The following CUX2 variants were observed in gnomAD, a reference collection of about 807,000 sequenced individuals.
CUX2 encodes homeobox protein cut-like 2.
In CUX2, 40 loss-of-function variants were observed where a neutral mutation model predicts 144.8. The ratio of observed to expected loss-of-function variants is 0.28; its 90% CI spans 0.21 to 0.36. The LOEUF (loss-of-function observed/expected upper bound fraction) is 0.36, where lower values mean the gene tolerates loss of function less well. CUX2 is among the 10% of genes least tolerant of loss of function. CUX2 has a pLI of 1.00. For missense variants in CUX2, 1,615 were observed against 1,994.0 expected, an observed-to-expected ratio of 0.81 and a Z score of 3.62; for synonymous variants, 827 against 875.6, an observed-to-expected ratio of 0.94 and a Z score of 0.98.
chr12:111,132,291 G>T (rs994388367), intron 1 of CUX2, among the ~76,000 whole-genome samples: 3 of 152,118 alleles, frequency 2.0e-5, no homozygotes, highest in Admixed American at 6.6e-5. Flanking sequence ...AAGTCCTTAG[G>T]CTGCACACAG....
intron 1 of CUX2, among the ~76,000 whole-genome samples, chr12:111,051,636 T>C (rs1870271500): frequency 6.6e-6 from 1 of 152,196 alleles, no homozygotes; most frequent in Admixed American, 6.5e-5. Context: ...ATCTAAAGCG[T>C]GTCTCCTATA....
chr12:111,322,558 C>T lies in CUX2; in HGVS notation c.2904C>T (p.Gly968=), dbSNP rs1463305719. The change falls in exon 18 of 22, where the codon GGC becomes GGT. Residue 968 remains glycine (G), a synonymous_variant. Transcript: ENST00000261726. The surrounding 1 kb of genome is among the most constrained non-coding windows in gnomAD (Gnocchi z 4.2). ...CTGACCAGCTCGGCCAGGCAGTGGG[C>T]CAGCAGCCTGGTGCCTCCCAGGGTG... ...WLSDQLGQAV[G]QQPGASQASP... is the part of the protein sequence containing the mutation. 3 of 1,609,480 alleles carry T rather than the reference C, an allele frequency of 1.9e-6. No individual in the cohort carries two copies.
intron 1 of CUX2, among the ~76,000 whole-genome samples, chr12:111,038,078 A>C (rs1412803301): frequency 6.6e-6 from 1 of 152,220 alleles, no homozygotes; most frequent in Non-Finnish European, 1.5e-5. Context: ...TTCCGGGAAC[A>C]CTCAATCTCC....
chr12:111,176,498 G>A (rs1878864476), intron 1 of CUX2, among the ~76,000 whole-genome samples: 1 of 152,154 alleles, frequency 6.6e-6, no homozygotes, highest in South Asian at 2.1e-4. Context: ...TAACCACAGT[G>A]CCCATGTCAT....
At chr12:111,158,726 A>AAT (rs1219348689) in intron 1 of CUX2, among the ~76,000 whole-genome samples, 1 of 152,182 alleles carries the variant, frequency 6.6e-6, no homozygotes, top group African/African-American at 2.4e-5. Flanking sequence ...TATTATATTG[A>AAT]ATAGGGCTAT....
chr12:111,328,133 G>A (rs909388008), intron 18 of CUX2, among the ~76,000 whole-genome samples: 3 of 152,098 alleles, frequency 2.0e-5, no homozygotes, highest in Admixed American at 1.3e-4. Context: ...GGGAGAGAGT[G>A]GTGATGGCAG....
intron 1 of CUX2, among the ~76,000 whole-genome samples, chr12:111,181,281 A>G (rs887514500): frequency 1.3e-5 from 2 of 152,222 alleles, no homozygotes; most frequent in Non-Finnish European, 1.5e-5. Flanking sequence ...TCCGCTGGGC[A>G]GGAGGCCCCT....
At chr12:111,236,569 A>G (rs918802325) in intron 3 of CUX2, among the ~76,000 whole-genome samples, 1 of 152,126 alleles carries the variant, frequency 6.6e-6, no homozygotes, top group African/African-American at 2.4e-5. Context: ...CCAGCTCTGA[A>G]CCCCGTGCCC....
intron 1 of CUX2, among the ~76,000 whole-genome samples, chr12:111,093,940 G>T (rs943863680): frequency 1.3e-5 from 2 of 152,202 alleles, no homozygotes; most frequent in Non-Finnish European, 2.9e-5. Context: ...ACTGTGATCC[G>T]CAGGAGCCAA....
Position 111,061,587 on chromosome 12 carries a change from C to A in CUX2, c.63+27347C>A, listed in dbSNP as rs902831713. Among the ~76,000 whole-genome samples the A allele has an allele frequency of 8.5e-5, 13 of 152,132 alleles. No individual in the cohort carries two copies. The highest frequency in any genetic ancestry group is 8.5e-4 in the Admixed American group (13 of 15,286). ...TGTCTACACCCTCGTCCTGCTTTGC[C>A]CGCCTAAGTACATCCAACTCTACAT... is the stretch of plus-strand genomic sequence containing the variant. On this transcript the variant is annotated intron_variant, in intron 1 of 21. Coordinates refer to ENST00000261726, the MANE Select transcript of CUX2 (RefSeq NM_015267.4). This position sits in a 1 kb window ranked among gnomAD's most constrained non-coding sequence, Gnocchi z 4.2.
intron 3 of CUX2, among the ~76,000 whole-genome samples, chr12:111,238,585 G>A (rs1882874509): frequency 1.3e-5 from 2 of 152,200 alleles, no homozygotes; most frequent in South Asian, 4.1e-4. Flanking sequence ...TTTGAACCCA[G>A]GCAGTCTGGC....
At chr12:111,306,861 C>T (rs931918135) in intron 10 of CUX2, 60 bp from the exon 11 acceptor site, 2 of 1,429,798 alleles carry the variant, frequency 1.4e-6, no homozygotes, top group African/African-American at 2.8e-5. Context: ...GGTGGGGAGG[C>T]CAGACCTGTG....
At chr12:111,249,427 T>A (rs1490797909) in intron 3 of CUX2, among the ~76,000 whole-genome samples, 2 of 143,802 alleles carry the variant, frequency 1.4e-5, no homozygotes, top group African/African-American at 2.6e-5. Flanking sequence ...TTTTTTTAAA[T>A]TAATAGACCC....
intron 3 of CUX2, among the ~76,000 whole-genome samples, chr12:111,226,695 A>T (rs1207648977): frequency 6.6e-6 from 1 of 151,986 alleles, no homozygotes; most frequent in African/African-American, 2.4e-5. Context: ...TATATTATTG[A>T]TCTTTTTGAC....
rs766866652 is a variant in CUX2, at chr12:111,263,625, A to AAAAACAAAAC, written c.223-111_223-102dup. 7 of 765,630 alleles carry AAAAACAAAAC rather than the reference A, an allele frequency of 9.1e-6. No individual in the cohort carries two copies. In the African/African-American group the frequency reaches 1.3e-4, roughly 14 times the overall value. 47.4% of individuals were successfully genotyped at this position (765,630 alleles called of 1,614,324 possible). A position where few individuals can be genotyped will look rare whatever the true frequency, so the allele number is the denominator to read the frequency against. On this transcript the variant is annotated intron_variant, in intron 3 of 21. Transcript: ENST00000261726. The surrounding 1 kb of genome is among the most constrained non-coding windows in gnomAD (Gnocchi z 4.0). ...GGGCGACAGAGCAAGACTCTCTCTC[A>AAAAACAAAAC]AAAACAAAACAAAACAAAACAAAAC... is the stretch of plus-strand genomic sequence containing the variant.
intron 4 of CUX2, among the ~76,000 whole-genome samples, chr12:111,280,564 T>A (rs1433409883): frequency 6.6e-6 from 1 of 152,198 alleles, no homozygotes; most frequent in African/African-American, 2.4e-5. Flanking sequence ...CAACAAATGT[T>A]TTCTTTCAGC....
At chr12:111,169,449 A>C (rs888039381) in intron 1 of CUX2, among the ~76,000 whole-genome samples, 12 of 152,038 alleles carry the variant, frequency 7.9e-5, no homozygotes, top group African/African-American at 2.4e-5. Flanking sequence ...CCCTTTCCCC[A>C]CCATGCCCCA....
intron 1 of CUX2, among the ~76,000 whole-genome samples, chr12:111,085,671 C>G (rs766110821): frequency 2.0e-5 from 3 of 152,212 alleles, no homozygotes; most frequent in Non-Finnish European, 4.4e-5. Flanking sequence ...GAGAAGTGTT[C>G]CGGGACCATT....
At chr12:111,250,411 T>TA (rs1484222956) in intron 3 of CUX2, among the ~76,000 whole-genome samples, 1 of 152,156 alleles carries the variant, frequency 6.6e-6, no homozygotes, top group East Asian at 1.9e-4. Context: ...TCTGGGCCTC[T>TA]AAAACAAGAG....
Sources: gnomAD v4.1 joint callset for allele counts (sites outside exome capture counted in the v4.1 genomes callset) on GRCh38, gnomAD v4.1.1 for gene constraint, Gnocchi (gnomAD v3.1) non-coding constraint, MANE v1.5 for transcripts, NCBI Gene and HGNC (gene_info 2026-07-23, HGNC 2026-07-21) for gene names.